Variants in EYS observed in about 807,000 individuals in gnomAD.
The protein encoded by EYS is EGF-like photoreceptor maintenance factor, also known as protein eyes shut homolog.
EYS carries 250 observed loss-of-function variants against 282.1 expected under a neutral mutation model. The ratio of observed to expected loss-of-function variants is 0.89; its 90% confidence interval spans 0.80 to 0.98. EYS has a LOEUF of 0.98. Among genes scored for constraint, EYS ranks in the 50% least tolerant of loss-of-function variants. EYS has a pLI of 0.00. For missense variants in EYS, 4,016 were observed against 3,709.0 expected, an observed-to-expected ratio of 1.08 and a Z score of -2.15; for synonymous variants, 1,355 against 1,282.9, an observed-to-expected ratio of 1.06 and a Z score of -1.20.
At chr6:65,642,514 C>G (rs1427780576) in intron 1 of EYS, among the ~76,000 whole-genome samples, 1 of 135,714 alleles carries the variant, frequency 7.4e-6, no homozygotes. Flanking sequence ...TACAATTCTT[C>G]AAGAAAGCCA....
At chr6:64,305,605 G>C (rs942076562) in intron 30 of EYS, among the ~76,000 whole-genome samples, 1 of 152,152 alleles carries the variant, frequency 6.6e-6, no homozygotes, top group Non-Finnish European at 1.5e-5. Flanking sequence ...TTTGACAAGG[G>C]TGCCACATAC....
intron 22 of EYS, among the ~76,000 whole-genome samples, chr6:64,627,221 AGC>A (rs1767638115): frequency 6.6e-6 from 1 of 152,232 alleles, no homozygotes; most frequent in Admixed American, 6.5e-5. Context: ...AGAAGCACTG[AGC>A]CCAGTTGGGA....
At chr6:65,486,385 A>T (rs1167440706) in intron 5 of EYS, among the ~76,000 whole-genome samples, 1 of 152,184 alleles carries the variant, frequency 6.6e-6, no homozygotes, top group South Asian at 2.1e-4. Context: ...CTAAGGGTGC[A>T]GGGAAGCTTT....
intron 5 of EYS, among the ~76,000 whole-genome samples, chr6:65,456,838 A>G (rs918250671): frequency 3.3e-5 from 5 of 152,158 alleles, no homozygotes; most frequent in Non-Finnish European, 5.9e-5. Flanking sequence ...AAGTAATAAA[A>G]TGTACCCATA....
intron 28 of EYS, among the ~76,000 whole-genome samples, chr6:64,403,954 G>C (rs2150438116): frequency 6.6e-6 from 1 of 152,220 alleles, no homozygotes; most frequent in East Asian, 1.9e-4. Context: ...CAGCCCACTG[G>C]GTGGCTGAGA....
Position 65,031,145 on chromosome 6 carries a change from A to T in EYS, c.2137+26469T>A, listed in dbSNP as rs963800348. ...TATTATATATAATATTTTATATTTT[A>T]TATATATATATATACACACACACGC... On this transcript the variant is annotated intron_variant, in intron 13 of 42. Coordinates refer to ENST00000503581, the MANE Select transcript of EYS (RefSeq NM_001142800.2). Among the ~76,000 whole-genome samples the T allele has an allele frequency of 3.1e-4, 40 of 130,402 alleles. No individual in the cohort carries two copies. In the East Asian group the frequency reaches 7.5e-3, roughly 24 times the overall value. 85.5% of individuals were successfully genotyped at this position (130,402 alleles called of 152,430 possible). A position where few individuals can be genotyped will look rare whatever the true frequency, so the allele number is the denominator to read the frequency against.
intron 37 of EYS, among the ~76,000 whole-genome samples, chr6:63,804,444 C>G (rs148622596): frequency 2.4e-4 from 36 of 152,322 alleles, no homozygotes; most frequent in African/African-American, 7.9e-4. Context: ...CATTAAGTAA[C>G]TTGACACATA....
At chr6:64,366,317 G>A (rs914275854) in intron 29 of EYS, among the ~76,000 whole-genome samples, 2 of 151,960 alleles carry the variant, frequency 1.3e-5, no homozygotes, top group African/African-American at 4.8e-5. Context: ...TACCATGTAA[G>A]AAGTCCAAGA....
intron 18 of EYS, among the ~76,000 whole-genome samples, chr6:64,896,700 G>A (rs950754415): frequency 1.3e-5 from 2 of 152,100 alleles, no homozygotes; most frequent in Non-Finnish European, 2.9e-5. Context: ...AGATCCACTG[G>A]CTTGAAATTC....
chr6:64,717,793 G>C (rs1771447348), intron 22 of EYS, among the ~76,000 whole-genome samples: 1 of 152,178 alleles, frequency 6.6e-6, no homozygotes, highest in African/African-American at 2.4e-5. Flanking sequence ...TAGGTTCAAA[G>C]TTGATGGAGG....
rs1399941948 is a variant in EYS, at chr6:64,979,699, T to TA, written c.2259+17882dup. On this transcript the variant is annotated intron_variant, in intron 14 of 42. Coordinates refer to ENST00000503581, the MANE Select transcript of EYS (RefSeq NM_001142800.2). Reference sequence around the variant, plus strand: ...TAAATAACCCAAGAGAATCAAGATTTAAAAAGTCAAGCAAAACACTTATTG... The same window carrying TA: ...TAAATAACCCAAGAGAATCAAGATTTAAAAAAGTCAAGCAAAACACTTATTG... 2.0e-5 allele frequency among the ~76,000 whole-genome samples: 3 copies of TA among 151,388 alleles called. No individual in the cohort carries two copies. The East Asian group carries it at 5.8e-4, about 29-fold the overall frequency.
intron 19 of EYS, among the ~76,000 whole-genome samples, chr6:64,878,617 T>C (rs1483975371): frequency 6.6e-6 from 1 of 151,866 alleles, no homozygotes; most frequent in Non-Finnish European, 1.5e-5. Context: ...TCTCTCTCTC[T>C]CCCTCCCCCC....
chr6:64,044,088 G>A (rs747877915), intron 33 of EYS, among the ~76,000 whole-genome samples: 6 of 152,140 alleles, frequency 3.9e-5, no homozygotes, highest in Non-Finnish European at 8.8e-5. Context: ...CCTTGTGCAT[G>A]TTAATATGTC....
At chr6:65,665,007 C>A (rs569387456) in intron 1 of EYS, among the ~76,000 whole-genome samples, 6 of 152,202 alleles carry the variant, frequency 3.9e-5, no homozygotes, top group African/African-American at 1.2e-4. Context: ...TCCAGGCTAA[C>A]CTTTTCTGCA....
intron 14 of EYS, among the ~76,000 whole-genome samples, chr6:64,991,381 T>C (rs1019469297): frequency 1.3e-5 from 2 of 151,620 alleles, no homozygotes; most frequent in African/African-American, 4.8e-5. Flanking sequence ...AGTTAGCTAA[T>C]ACATCAAGGT....
At chr6:64,699,753 T>G (rs1175147346) in intron 22 of EYS, among the ~76,000 whole-genome samples, 2 of 152,004 alleles carry the variant, frequency 1.3e-5, no homozygotes, top group Non-Finnish European at 2.9e-5. Context: ...CACAGATGAA[T>G]TCTATCAAAT....
At chr6:63,922,314 GA>G (rs1437981316) in intron 35 of EYS, among the ~76,000 whole-genome samples, 1 of 152,166 alleles carries the variant, frequency 6.6e-6, no homozygotes, top group Non-Finnish European at 1.5e-5. Context: ...TGTAATCCCA[GA>G]ACTTTGGGAG....
intron 7 of EYS, among the ~76,000 whole-genome samples, chr6:65,401,598 A>T (rs1016572580): frequency 6.6e-6 from 1 of 151,888 alleles, no homozygotes; most frequent in Non-Finnish European, 1.5e-5. Context: ...ATATAATGAT[A>T]AGGTTTATTG....
chr6:63,864,489 T>G (rs1772624353), intron 35 of EYS, 131 bp from the exon 36 acceptor site: 1 of 485,268 alleles, frequency 2.1e-6, no homozygotes, highest in African/African-American at 5.1e-5. Context: ...TAAGTGACTT[T>G]TTTCTCCCTC....
Sources: gnomAD v4.1 joint callset for allele counts (sites outside exome capture counted in the v4.1 genomes callset) on GRCh38, gnomAD v4.1.1 for gene constraint, MANE v1.5 for transcripts, NCBI Gene and HGNC (gene_info 2026-07-23, HGNC 2026-07-21) for gene names.